GOLGA8M: variants seen among roughly 807,000 people sequenced by gnomAD.
GOLGA8M encodes golgin A8 family member M.
In GOLGA8M, 34 loss-of-function variants were observed where a neutral mutation model predicts 87.7. The observed-to-expected ratio is 0.39, with a 90% CI of 0.29 to 0.52. The LOEUF (loss-of-function observed/expected upper bound fraction) is 0.52, where lower values mean the gene tolerates loss of function less well. Among genes scored for constraint, GOLGA8M ranks in the 20% least tolerant of loss-of-function variants. The pLI is 0.80. For missense variants in GOLGA8M, 396 were observed against 682.2 expected (o/e 0.58, Z 4.67); for synonymous variants, 138 against 250.2 (o/e 0.55, Z 4.23).
rs2079788462 is a variant in GOLGA8M at position 28,701,667 on chromosome 15, A to C, written c.*287T>G. Reference sequence around the variant, plus strand: ...AAAGAGTGGGTCTTTGTGTGTTTGAACTTCCACCACGTAAGGGCAAACTCG... The same window carrying C: ...AAAGAGTGGGTCTTTGTGTGTTTGACCTTCCACCACGTAAGGGCAAACTCG... On this transcript the variant is annotated 3_prime_UTR_variant, in exon 19 of 19. Transcript: ENST00000563027. Among the ~76,000 whole-genome samples the C allele has an allele frequency of 6.6e-6, 1 of 152,152 alleles. No homozygotes were observed. The highest frequency in any genetic ancestry group is 1.5e-5 in the Non-Finnish European group (1 of 68,044).
rs1363491385 is a variant in GOLGA8M at position 28,700,584 on chromosome 15, TAA to T, written c.*1368_*1369del. On this transcript the variant is annotated 3_prime_UTR_variant, in exon 19 of 19. Coordinates refer to ENST00000563027, the MANE Select transcript of GOLGA8M (RefSeq NM_001282468.3). Reference sequence around the variant, plus strand: ...ATTGCACTGCAGTTTGTACACATTTTAAGTTTCATAAACTTCTCCTTGATTTT... The same window carrying T: ...ATTGCACTGCAGTTTGTACACATTTTGTTTCATAAACTTCTCCTTGATTTT... 7.3e-6 allele frequency among the ~76,000 whole-genome samples: 1 copy of T among 136,736 alleles called. No homozygotes were observed. Among genetic ancestry groups the T allele is most frequent in the Non-Finnish European group, 1.5e-5 (1 of 64,974 alleles). 89.7% of individuals were successfully genotyped at this position (136,736 alleles called of 152,430 possible).
At position 28,708,293 on chromosome 15, in the gene GOLGA8M, G is replaced by A. The variant is rs752053284; in HGVS notation, c.348+82C>T. 31 of 1,611,628 alleles carry A rather than the reference G, an allele frequency of 1.9e-5. No individual in the cohort carries two copies. The Admixed American group carries it at 3.3e-4, about 17-fold the overall frequency. ...GGCCCACCCATGGGACCAGGTTATC[G>A]GGGCCCTGTGGGGATGGGGTGGAAT... On this transcript the variant is annotated intron_variant, in intron 5 of 18. Transcript: ENST00000563027.
intron 1 of GOLGA8M, chr15:28,712,016 T>C: frequency 1.0e-6 from 1 of 984,040 alleles, no homozygotes; most frequent in Non-Finnish European, 1.2e-6. Flanking sequence ...CGGCAGGAGA[T>C]GAGGGCCCAG....
chr15:28,703,089 C>T, intron 15 of GOLGA8M: 1 of 719,980 alleles, frequency 1.4e-6, no homozygotes, highest in Non-Finnish European at 1.6e-6. Flanking sequence ...GAGCATTCTT[C>T]TAGGGGCATA....
intron 13 of GOLGA8M, chr15:28,704,868 T>A: frequency 6.5e-6 from 4 of 613,462 alleles, no homozygotes; most frequent in Non-Finnish European, 8.4e-6. Flanking sequence ...ATTATAGGCA[T>A]GAGCCACTGC....
chr15:28,702,899 C>T (rs1404317467), intron 15 of GOLGA8M, 154 bp from the exon 16 acceptor site: 1 of 970,394 alleles, frequency 1.0e-6, no homozygotes, highest in African/African-American at 1.9e-5. Flanking sequence ...ACAGACTCGC[C>T]CCCAGGCCCT....
chr15:28,703,811 C>T, intron 14 of GOLGA8M, 31 bp downstream of exon 14: 2 of 1,507,484 alleles, frequency 1.3e-6, no homozygotes, highest in East Asian at 2.9e-5. Context: ...TCCTGGGGCT[C>T]TCTCCTCTTC....
In GOLGA8M at chr15:28,701,602, C is replaced by G. The variant is rs1234420746; in HGVS notation, c.*352G>C. Among the ~76,000 whole-genome samples the G allele has an allele frequency of 6.6e-6, 1 of 151,620 alleles. No individual in the cohort carries two copies. On this transcript the variant is annotated 3_prime_UTR_variant, in exon 19 of 19. Coordinates refer to ENST00000563027, the MANE Select transcript of GOLGA8M (RefSeq NM_001282468.3). ...ACATGCTGCAATAACATTAAAAAAG[C>G]ATGGCAGCCTATTCCAAACCAGCGA...
intron 1 of GOLGA8M, chr15:28,711,426 C>G: frequency 6.7e-6 from 6 of 892,970 alleles, no homozygotes; most frequent in Non-Finnish European, 8.0e-6. Flanking sequence ...AAAGTAGAAG[C>G]CTGGGAGAAA....
At position 28,702,625 on chromosome 15, in the gene GOLGA8M, T is replaced by C. The variant is rs1408868122; in HGVS notation, c.1469+20A>G. The C allele has an allele frequency of 6.2e-7, 1 of 1,610,436 alleles. No homozygotes were observed. The highest frequency in any genetic ancestry group is 1.1e-5 in the South Asian group (1 of 91,046). ...GACGGTCCTGCAGCTCCCCCTGCCG[T>C]GCCCTGGCCTCCCACTCACTGATGG... On this transcript the variant is annotated intron_variant, in intron 16 of 18. Transcript: ENST00000563027.
At chr15:28,707,063 G>C (rs1023065235) in intron 8 of GOLGA8M, among the ~76,000 whole-genome samples, 1 of 129,404 alleles carries the variant, frequency 7.7e-6, no homozygotes, top group African/African-American at 3.9e-5. Flanking sequence ...CTATTGTGGA[G>C]ATAAAAAACA....
intron 13 of GOLGA8M, 117 bp from the exon 14 acceptor site, chr15:28,704,034 G>A (rs1209618040): frequency 1.6e-5 from 24 of 1,546,192 alleles, no homozygotes; most frequent in Non-Finnish European, 1.8e-5. Context: ...GGCCATATCG[G>A]CCACCGCTTT....
chr15:28,712,451 G>T (rs897449714), upstream of GOLGA8M: 25 of 1,605,024 alleles, frequency 1.6e-5, 2 homozygotes, highest in African/African-American at 2.3e-4. Flanking sequence ...CAGGGCCCCA[G>T]TAGAATGCGG....
chr15:28,702,379 G>A lies in GOLGA8M; in HGVS notation c.1568-10C>T, dbSNP rs1243058285. 22 of 1,523,832 alleles carry A rather than the reference G, an allele frequency of 1.4e-5. No homozygotes were observed. Among genetic ancestry groups the A allele is most frequent in the Admixed American group, 4.0e-5 (2 of 50,000 alleles). The allele number at this position is 1,523,832 out of a possible 1,614,324, so 94.4% of individuals were successfully genotyped here. A position where few individuals can be genotyped will look rare whatever the true frequency, so the allele number is the denominator to read the frequency against. On this transcript the variant is annotated splice_polypyrimidine_tract_variant and intron_variant, in intron 17 of 18. Transcript: ENST00000563027. ...GCTCCAGCAGCTTCACCTGGAGGGA[G>A]GGGTGCTCAGCTGCCATGCCGCTGC...
At chr15:28,712,160 G>A (rs1008521865) in intron 1 of GOLGA8M, 116 bp downstream of exon 1, 7 of 1,536,878 alleles carry the variant, frequency 4.6e-6, no homozygotes, top group African/African-American at 4.1e-5. Flanking sequence ...CCAAGGCACC[G>A]GGGTTGGGGG....
At chr15:28,711,920 A>T (rs1208222640) in intron 1 of GOLGA8M, 2 of 984,972 alleles carry the variant, frequency 2.0e-6, no homozygotes, top group African/African-American at 3.5e-5. Context: ...TCACCAGCCC[A>T]AAGTCACCCA....
rs1174332006 is a variant in GOLGA8M, at chr15:28,701,397, G to A, written c.*557C>T. ...GAAAATGGAGGAAAGGCTGTTTCCA[G>A]TTCTTGGCCTTTAAACAACTCTAAA... On this transcript the variant is annotated 3_prime_UTR_variant, in exon 19 of 19. Coordinates refer to ENST00000563027, the MANE Select transcript of GOLGA8M (RefSeq NM_001282468.3). Among the ~76,000 whole-genome samples the A allele has an allele frequency of 2.6e-5, 4 of 151,718 alleles. No homozygotes were observed. The highest frequency in any genetic ancestry group is 9.7e-5 in the African/African-American group (4 of 41,198).
chr15:28,702,624 G>T, intron 16 of GOLGA8M, 21 bp downstream of exon 16: 1 of 1,609,784 alleles, frequency 6.2e-7, no homozygotes, highest in Non-Finnish European at 8.5e-7. Flanking sequence ...TCCCCCTGCC[G>T]TGCCCTGGCC....
chr15:28,711,988 G>C (rs1344134742), intron 1 of GOLGA8M: 78 of 984,924 alleles, frequency 7.9e-5, no homozygotes, highest in South Asian at 9.4e-5. Flanking sequence ...AAAGAGCCCA[G>C]GGAGATCAAG....
Sources: allele counts gnomAD v4.1 joint callset (sites outside exome capture counted in the v4.1 genomes callset), GRCh38; gene constraint gnomAD v4.1.1; transcripts MANE v1.5; gene names NCBI Gene and HGNC (gene_info 2026-07-23, HGNC 2026-07-21).